BMP6: variants seen among roughly 807,000 people sequenced by gnomAD.
BMP6 encodes bone morphogenetic protein 6, also known as VG-1-R.
A neutral mutation model predicts 54.1 loss-of-function variants in BMP6; 17 were observed. That is an observed-to-expected ratio of 0.31 (90% CI 0.22 to 0.47). The LOEUF (loss-of-function observed/expected upper bound fraction) is 0.47, where lower values mean the gene tolerates loss of function less well. Ranked by LOEUF, BMP6 falls within the 20% of genes least tolerant of loss-of-function variation. The probability of loss-of-function intolerance (pLI) is 1.00; values close to 1 mark genes in which losing one functional copy is unlikely to be tolerated. For synonymous variants in BMP6, 328 were observed against 291.2 expected (o/e 1.13, Z -1.28); for missense variants, 720 against 690.4 (o/e 1.04, Z -0.48).
intron 1 of BMP6, among the ~76,000 whole-genome samples, chr6:7,777,989 T>A (rs1173474205): frequency 1.3e-5 from 2 of 152,138 alleles, no homozygotes; most frequent in Non-Finnish European, 2.9e-5. Context: ...CTAATAACTT[T>A]TATATAAGGA....
intron 1 of BMP6, among the ~76,000 whole-genome samples, chr6:7,821,996 C>T (rs1171896307): frequency 1.3e-5 from 2 of 151,686 alleles, no homozygotes; most frequent in African/African-American, 4.8e-5. Flanking sequence ...CATCAACTGA[C>T]TGCACGTTGC....
At chr6:7,770,196 A>C (rs970885776) in intron 1 of BMP6, among the ~76,000 whole-genome samples, 1 of 152,214 alleles carries the variant, frequency 6.6e-6, no homozygotes, top group African/African-American at 2.4e-5. Context: ...TAAATGATAC[A>C]GTGTAAGATT....
chr6:7,750,006 A>G (rs1757399576), intron 1 of BMP6, among the ~76,000 whole-genome samples: 4 of 152,168 alleles, frequency 2.6e-5, no homozygotes, highest in Admixed American at 2.0e-4. Flanking sequence ...CAGAGTATAG[A>G]ACGGGTGGAA....
intron 1 of BMP6, among the ~76,000 whole-genome samples, chr6:7,804,876 G>A (rs887265425): frequency 1.5e-5 from 2 of 135,578 alleles, no homozygotes; most frequent in Non-Finnish European, 3.2e-5. Flanking sequence ...ATTTTCCAAC[G>A]CTTTCTACAA....
chr6:7,739,057 GTGATT>G lies in BMP6; in HGVS notation c.664+11439_664+11443del, dbSNP rs1305091274. ...AGGGTCAAGCCTGCTCTTGGCAACT[GTGATT>G]GACCTTTACCCTATGTCTCACTTTC... is the stretch of plus-strand genomic sequence containing the variant. On this transcript the variant is annotated intron_variant, in intron 1 of 6. Transcript: ENST00000283147. Among the ~76,000 whole-genome samples, 9 of 152,308 alleles carry G rather than the reference GTGATT, an allele frequency of 5.9e-5. No homozygotes were observed. In the East Asian group the frequency reaches 1.7e-3, roughly 29 times the overall value.
At chr6:7,823,091 T>C (rs1211010820) in intron 1 of BMP6, among the ~76,000 whole-genome samples, 1 of 152,188 alleles carries the variant, frequency 6.6e-6, no homozygotes, top group Admixed American at 6.5e-5. Flanking sequence ...CCCAGATCCC[T>C]CACTTTCTTT....
intron 1 of BMP6, among the ~76,000 whole-genome samples, chr6:7,808,213 C>A (rs984575623): frequency 8.5e-5 from 13 of 152,132 alleles, no homozygotes; most frequent in Admixed American, 2.6e-4. Flanking sequence ...AGCCACCGCG[C>A]CCGGCCTTAA....
chr6:7,819,816 C>T (rs1368483019), intron 1 of BMP6, among the ~76,000 whole-genome samples: 1 of 152,094 alleles, frequency 6.6e-6, no homozygotes, highest in Non-Finnish European at 1.5e-5. Context: ...ACAGAAGCTG[C>T]ATTTTTTGGG....
intron 1 of BMP6, among the ~76,000 whole-genome samples, chr6:7,774,353 C>T (rs1428064274): frequency 6.6e-6 from 1 of 152,158 alleles, no homozygotes; most frequent in Non-Finnish European, 1.5e-5. Flanking sequence ...AGTTTGAGAC[C>T]ATCCTGACCA....
intron 2 of BMP6, among the ~76,000 whole-genome samples, chr6:7,857,645 G>A (rs917376269): frequency 2.0e-5 from 3 of 152,188 alleles, no homozygotes; most frequent in Non-Finnish European, 4.4e-5. Flanking sequence ...ATTTAGAAGG[G>A]AAAGCTTATT....
Position 7,745,603 on chromosome 6 carries a change from C to T in BMP6, c.664+17984C>T, listed in dbSNP as rs550079283. Among the ~76,000 whole-genome samples, 4 of 152,300 alleles carry T rather than the reference C, an allele frequency of 2.6e-5. No individual in the cohort carries two copies. In the South Asian group the frequency reaches 6.2e-4, roughly 24 times the overall value. ...AAAGGTTTTTAAACTCAGGGAGTGT[C>T]TTCAGTGTTAGACATGACAGAGTTA... On this transcript the variant is annotated intron_variant, in intron 1 of 6. Coordinates refer to ENST00000283147, the MANE Select transcript of BMP6 (RefSeq NM_001718.6).
chr6:7,753,744 A>G (rs1430026868), intron 1 of BMP6, among the ~76,000 whole-genome samples: 1 of 152,228 alleles, frequency 6.6e-6, no homozygotes, highest in Non-Finnish European at 1.5e-5. Context: ...ATAAGCATTA[A>G]AGGATATAGG....
At chr6:7,847,174 G>A (rs1340403653) in intron 2 of BMP6, among the ~76,000 whole-genome samples, 4 of 152,136 alleles carry the variant, frequency 2.6e-5, no homozygotes, top group Admixed American at 6.5e-5. Context: ...ATCCTGAATG[G>A]TCCCAACCTT....
At chr6:7,800,753 T>G (rs958667391) in intron 1 of BMP6, among the ~76,000 whole-genome samples, 1 of 152,226 alleles carries the variant, frequency 6.6e-6, no homozygotes, top group Non-Finnish European at 1.5e-5. Context: ...TATTGGACTT[T>G]GTTTTACAAA....
At chr6:7,854,214 G>A (rs558924020) in intron 2 of BMP6, among the ~76,000 whole-genome samples, 6 of 152,230 alleles carry the variant, frequency 3.9e-5, no homozygotes, top group South Asian at 4.2e-4. Flanking sequence ...GAAACAGATC[G>A]CTTTGGTTAC....
chr6:7,783,602 A>G (rs1447342332), intron 1 of BMP6, among the ~76,000 whole-genome samples: 1 of 152,272 alleles, frequency 6.6e-6, no homozygotes, highest in African/African-American at 2.4e-5. Context: ...AATAACGTAA[A>G]TCCAGTGGTC....
At chr6:7,765,710 G>A (rs1466519751) in intron 1 of BMP6, among the ~76,000 whole-genome samples, 2 of 152,188 alleles carry the variant, frequency 1.3e-5, no homozygotes, top group Non-Finnish European at 2.9e-5. Context: ...AACAATCCAC[G>A]GTTATTCTCT....
intron 1 of BMP6, among the ~76,000 whole-genome samples, chr6:7,793,470 A>G (rs1349165464): frequency 1.3e-5 from 2 of 152,094 alleles, no homozygotes; most frequent in Non-Finnish European, 2.9e-5. Context: ...CGGTTGCCCA[A>G]ACCCATAGAC....
At chr6:7,823,369 G>A (rs1199491092) in intron 1 of BMP6, among the ~76,000 whole-genome samples, 1 of 152,158 alleles carries the variant, frequency 6.6e-6, no homozygotes, top group East Asian at 1.9e-4. Context: ...TTTAGCCAAT[G>A]AAGACAATAA....
Sources: gnomAD v4.1 joint callset for allele counts (sites outside exome capture counted in the v4.1 genomes callset) on GRCh38, gnomAD v4.1.1 for gene constraint, MANE v1.5 for transcripts, NCBI Gene and HGNC (gene_info 2026-07-23, HGNC 2026-07-21) for gene names.